Variants in ZNF850 observed in about 807,000 individuals in gnomAD.
ZNF850 encodes the protein zinc finger protein 850.
Under a neutral mutation model 11.9 loss-of-function variants are expected in ZNF850, and 2 were observed. The ratio of observed to expected loss-of-function variants is 0.17; its 90% CI spans 0.07 to 0.53. The LOEUF is 0.53. ZNF850 is among the 20% of genes least tolerant of loss of function. The pLI is 0.94. For missense variants in ZNF850, 1,014 were observed against 1,316.4 expected (o/e 0.77, Z 3.55); for synonymous variants, 381 against 443.0 (o/e 0.86, Z 1.76).
chr19:36,757,546 G>C (rs1245826266), intron 4 of ZNF850, among the ~76,000 whole-genome samples: 3 of 120,390 alleles, frequency 2.5e-5, no homozygotes, highest in Non-Finnish European at 4.9e-5. Context: ...TTGCTCTGTT[G>C]CCCAGGCTGG....
Position 36,750,729 on chromosome 19 carries a change from AC to A in ZNF850, c.310del (p.Val104Ter). On this transcript the variant is annotated frameshift_variant, in exon 5 of 5. Coordinates refer to ENST00000591344, the MANE Select transcript of ZNF850 (RefSeq NM_001193552.2). LOFTEE classifies it low-confidence loss of function (END_TRUNC). Reference protein sequence around the residue: ...EIYEVTSSQWVRMEKCHSLVG... With the variant: ...EIYEVTSSQWXRMEKCHSLVG... ...AAGGCTATGACATTTTTCCATTCTCACCCACTGAGATGATGTTACTTCATAG... is the reference window on the plus strand; with the variant it reads ...AAGGCTATGACATTTTTCCATTCTCACCACTGAGATGATGTTACTTCATAG... 1 of 1,535,960 alleles carries A rather than the reference AC, an allele frequency of 6.5e-7. No individual in the cohort carries two copies.
intron 1 of ZNF850, among the ~76,000 whole-genome samples, chr19:36,772,377 TCA>T (rs1160842174): frequency 6.6e-6 from 1 of 151,694 alleles, no homozygotes; most frequent in African/African-American, 2.4e-5. Flanking sequence ...CTCTCCTCTC[TCA>T]CATACACCAA....
chr19:36,757,503 CTTTTTTTTTTTTT>C (rs57226971), intron 4 of ZNF850, among the ~76,000 whole-genome samples: 1 of 97,398 alleles, frequency 1.0e-5, no homozygotes, highest in South Asian at 3.3e-4. Flanking sequence ...AATATAGTTT[CTTTTTTTTTTTTT>C]TTTTTTTTGA....
In ZNF850 at chr19:36,744,287, A is replaced by T. The variant is rs1380955558; in HGVS notation, c.*3480T>A. The T allele has an allele frequency of 2.0e-5, 3 of 152,072 alleles. No individual in the cohort carries two copies. The highest frequency in any genetic ancestry group is 4.4e-5 in the Non-Finnish European group (3 of 68,026). 9.4% of individuals were successfully genotyped at this position (152,072 alleles called of 1,614,324 possible). A position where few individuals can be genotyped will look rare whatever the true frequency, so the allele number is the denominator to read the frequency against. On this transcript the variant is annotated 3_prime_UTR_variant, in exon 5 of 5. Coordinates refer to ENST00000591344, the MANE Select transcript of ZNF850 (RefSeq NM_001193552.2). The stretch of plus-strand genomic sequence containing the variant: ...TTTTCTCTGCTCTTTAAAAAATTCT[A>T]CTTTTTTCATAAAAAGAGTTAATTT...
intron 4 of ZNF850, among the ~76,000 whole-genome samples, chr19:36,757,988 A>G (rs1308290168): frequency 6.7e-6 from 1 of 149,658 alleles, no homozygotes; most frequent in African/African-American, 2.6e-5. Context: ...TGCCTGGCCA[A>G]AAAGTGAATT....
intron 4 of ZNF850, among the ~76,000 whole-genome samples, chr19:36,760,856 C>T (rs1017820142): frequency 2.8e-4 from 42 of 151,780 alleles, no homozygotes; most frequent in African/African-American, 1.0e-3. Context: ...CAGAGTAAGA[C>T]TCTGTTTCAA....
At chr19:36,761,909 G>A (rs1229406902) in intron 3 of ZNF850, among the ~76,000 whole-genome samples, 171 bp from the exon 4 acceptor site, 1 of 151,970 alleles carries the variant, frequency 6.6e-6, no homozygotes, top group African/African-American at 2.4e-5. Context: ...GGCTGGGCAT[G>A]GTGGTGGGTG....
At position 36,761,570 on chromosome 19, in the gene ZNF850, G is replaced by A. The variant is rs1221830682; in HGVS notation, c.235+73C>T. 4.9e-6 allele frequency: 4 copies of A among 821,522 alleles called. No homozygotes were observed. The African/African-American group carries it at 5.1e-5, about 10-fold the overall frequency. 50.9% of individuals were successfully genotyped at this position (821,522 alleles called of 1,614,324 possible). On this transcript the variant is annotated intron_variant, in intron 4 of 4. Coordinates refer to ENST00000591344, the MANE Select transcript of ZNF850 (RefSeq NM_001193552.2). ...AGAAGAGACTCCTCAACCAATACCT[G>A]TACGGTGCTGCCTCCCTGACAGGCT... is the stretch of plus-strand genomic sequence containing the variant.
intron 1 of ZNF850, among the ~76,000 whole-genome samples, chr19:36,765,338 T>A (rs567021429): frequency 1.3e-5 from 2 of 152,320 alleles, no homozygotes; most frequent in African/African-American, 4.8e-5. Context: ...GGGGACAGAA[T>A]GAAGTGTCAT....
At chr19:36,770,727 A>AAAAAAAAAAAAC (rs2040576490) in intron 1 of ZNF850, among the ~76,000 whole-genome samples, 1 of 125,644 alleles carries the variant, frequency 8.0e-6, no homozygotes, top group Non-Finnish European at 1.7e-5. Context: ...AAAAAAAAAA[A>AAAAAAAAAAAAC]AAAAAAAAAA....
At chr19:36,766,477 C>T (rs2040550194) in intron 1 of ZNF850, among the ~76,000 whole-genome samples, 1 of 152,126 alleles carries the variant, frequency 6.6e-6, no homozygotes, top group Admixed American at 6.5e-5. Context: ...CTCCTTTACA[C>T]TTTGATTTTT....
At chr19:36,772,261 C>T (rs2040589499) in intron 1 of ZNF850, among the ~76,000 whole-genome samples, 2 of 152,138 alleles carry the variant, frequency 1.3e-5, no homozygotes, top group African/African-American at 4.8e-5. Context: ...ACCAAGGTCC[C>T]ACCCTAACTG....
chr19:36,748,407 A>G lies in ZNF850; in HGVS notation c.2633T>C (p.Phe878Ser), dbSNP rs1600603082. 2 of 1,545,122 alleles carry G rather than the reference A, an allele frequency of 1.3e-6. No homozygotes were observed. Among genetic ancestry groups the G allele is most frequent in the African/African-American group, 1.4e-5 (1 of 73,062 alleles). ...TTGGATTATTGCTGAGCGAAAAGCA[A>G]AAGATTTTCCACATTCCTTACAATG... The part of the protein sequence containing the change: ...PYHCKECGKS[F>S]AFRSAIIQHR... Residue 878 changes from phenylalanine (F) to serine (S), a missense_variant, in exon 5 of 5, where the codon TTT becomes TCT. Physicochemically the swap from Phe to Ser is radical, Grantham distance 155 (BLOSUM62 -2). Coordinates refer to ENST00000591344, the MANE Select transcript of ZNF850 (RefSeq NM_001193552.2).
rs2040402174 is a variant in ZNF850, at chr19:36,744,876, T to G, written c.*2891A>C. The G allele has an allele frequency of 6.6e-6, 1 of 151,968 alleles. No homozygotes were observed. Among genetic ancestry groups the G allele is most frequent in the Non-Finnish European group, 1.5e-5 (1 of 68,014 alleles). The allele number at this position is 151,968 out of a possible 1,614,324, so 9.4% of individuals were successfully genotyped here. On this transcript the variant is annotated 3_prime_UTR_variant, in exon 5 of 5. Transcript: ENST00000591344. ...GGCTCACGCCTGTAATCCCAGCACT[T>G]TGGGAGGCCGAGGTGGGCGGGTCAT... is the stretch of plus-strand genomic sequence containing the variant.
rs1300671571 is a variant in ZNF850 at position 36,744,851 on chromosome 19, G to A, written c.*2916C>T. The A allele has an allele frequency of 6.6e-6, 1 of 152,188 alleles. No individual in the cohort carries two copies. The allele number at this position is 152,188 out of a possible 1,614,324, so 9.4% of individuals were successfully genotyped here. A position where few individuals can be genotyped will look rare whatever the true frequency, so the allele number is the denominator to read the frequency against. ...AAGAATCAATTGAGCCGGGCGGGGT[G>A]GCTCACGCCTGTAATCCCAGCACTT... is the stretch of plus-strand genomic sequence containing the variant. On this transcript the variant is annotated 3_prime_UTR_variant, in exon 5 of 5. Coordinates refer to ENST00000591344, the MANE Select transcript of ZNF850 (RefSeq NM_001193552.2).
At chr19:36,751,072 A>G (rs1356859280) in intron 4 of ZNF850, among the ~76,000 whole-genome samples, 2 of 151,136 alleles carry the variant, frequency 1.3e-5, no homozygotes, top group Non-Finnish European at 3.0e-5. Context: ...TCTTAAAAAA[A>G]AAAAAAAAAA....
chr19:36,760,170 G>A (rs905224018), intron 4 of ZNF850, among the ~76,000 whole-genome samples: 6 of 152,178 alleles, frequency 3.9e-5, no homozygotes, highest in African/African-American at 1.4e-4. Context: ...ATTAGGCTGG[G>A]TGTGGTGGCT....
rs1164993960 is a variant in ZNF850, at chr19:36,745,046, G to C, written c.*2721C>G. 2.6e-5 allele frequency: 4 copies of C among 152,116 alleles called. No individual in the cohort carries two copies. Among genetic ancestry groups the C allele is most frequent in the Non-Finnish European group, 5.9e-5 (4 of 68,092 alleles). 9.4% of individuals were successfully genotyped at this position (152,116 alleles called of 1,614,324 possible). Reference sequence around the variant, plus strand: ...AGGCAGGAGAATGGCGTGAACCTGGGAGGTGGAGCTTGCAGTGAGTCGAGA... The same window carrying C: ...AGGCAGGAGAATGGCGTGAACCTGGCAGGTGGAGCTTGCAGTGAGTCGAGA... On this transcript the variant is annotated 3_prime_UTR_variant, in exon 5 of 5. Transcript: ENST00000591344.
At chr19:36,758,134 A>G (rs1299548046) in intron 4 of ZNF850, among the ~76,000 whole-genome samples, 1 of 152,220 alleles carries the variant, frequency 6.6e-6, no homozygotes, top group African/African-American at 2.4e-5. Flanking sequence ...TTGTCCCTTC[A>G]CATAAAAAAC....
Sources: gnomAD v4.1 joint callset for allele counts (sites outside exome capture counted in the v4.1 genomes callset) on GRCh38, gnomAD v4.1.1 for gene constraint, MANE v1.5 for transcripts, NCBI Gene and HGNC (gene_info 2026-07-23, HGNC 2026-07-21) for gene names.